The following SHB variants were observed in gnomAD, a reference collection of about 807,000 sequenced individuals.
SHB encodes SH2 domain containing adaptor protein B.
A neutral mutation model predicts 52.3 loss-of-function variants in SHB; 20 were observed. The ratio of observed to expected loss-of-function variants is 0.38; its 90% CI spans 0.27 to 0.56. The LOEUF (loss-of-function observed/expected upper bound fraction) is 0.56. Among genes scored for constraint, SHB ranks in the 20% least tolerant of loss-of-function variants. SHB has a pLI of 0.71. For synonymous variants in SHB, 397 were observed against 316.5 expected (o/e 1.25, Z -2.70); for missense variants, 825 against 723.3 (o/e 1.14, Z -1.61).
intron 4 of SHB, among the ~76,000 whole-genome samples, chr9:37,951,947 C>A (rs746260002): frequency 1.3e-5 from 2 of 152,200 alleles, no homozygotes; most frequent in African/African-American, 4.8e-5. Flanking sequence ...CCTTGCTTCA[C>A]CTGGAAAGAG....
At chr9:37,972,761 A>G (rs1261301016) in intron 3 of SHB, among the ~76,000 whole-genome samples, 1 of 152,184 alleles carries the variant, frequency 6.6e-6, no homozygotes, top group Non-Finnish European at 1.5e-5. Context: ...CTATATTCAC[A>G]GAACTGTGAG....
chr9:37,963,409 G>A (rs998892396), intron 3 of SHB, among the ~76,000 whole-genome samples: 3 of 152,198 alleles, frequency 2.0e-5, no homozygotes, highest in Non-Finnish European at 4.4e-5. Context: ...ACCGCCACAG[G>A]CTTCTTAGCC....
intron 5 of SHB, among the ~76,000 whole-genome samples, chr9:37,929,829 C>A (rs1339553580): frequency 6.6e-6 from 1 of 152,226 alleles, no homozygotes; most frequent in East Asian, 1.9e-4. Flanking sequence ...GGAAGCTGGG[C>A]GTGGTGACTC....
At chr9:37,958,292 A>G (rs183362263) in intron 3 of SHB, among the ~76,000 whole-genome samples, 2 of 152,298 alleles carry the variant, frequency 1.3e-5, no homozygotes, top group African/African-American at 2.4e-5. Flanking sequence ...CTGTGCATGC[A>G]AAGTGCACCA....
intron 1 of SHB, among the ~76,000 whole-genome samples, chr9:38,042,426 G>A (rs1284252952): frequency 6.6e-6 from 1 of 152,164 alleles, no homozygotes; most frequent in Non-Finnish European, 1.5e-5. Context: ...CCCCAGTCCC[G>A]CTCAGGTATT....
intron 1 of SHB, among the ~76,000 whole-genome samples, chr9:38,023,220 G>A (rs1236745372): frequency 6.6e-6 from 1 of 152,242 alleles, no homozygotes; most frequent in Non-Finnish European, 1.5e-5. Flanking sequence ...GGACAGTCCA[G>A]GCAAGTGGAG....
chr9:37,980,630 G>C (rs1418054448), intron 2 of SHB, among the ~76,000 whole-genome samples: 1 of 152,166 alleles, frequency 6.6e-6, no homozygotes, highest in Non-Finnish European at 1.5e-5. Context: ...TTCTAGAACA[G>C]TAAATCTTCC....
chr9:37,947,293 G>A (rs1832503757), intron 5 of SHB, among the ~76,000 whole-genome samples: 1 of 152,306 alleles, frequency 6.6e-6, no homozygotes, highest in Admixed American at 6.5e-5. Context: ...CCAGCCTTTG[G>A]TCTTATTCCC....
At chr9:37,956,869 A>G (rs1195554631) in intron 3 of SHB, among the ~76,000 whole-genome samples, 1 of 152,252 alleles carries the variant, frequency 6.6e-6, no homozygotes, top group Non-Finnish European at 1.5e-5. Context: ...GGATTAAAGC[A>G]GATGACACAC....
chr9:37,981,136 C>T (rs1820719427), intron 2 of SHB, among the ~76,000 whole-genome samples: 1 of 152,216 alleles, frequency 6.6e-6, no homozygotes, highest in Non-Finnish European at 1.5e-5. Context: ...GCTTTGAAGC[C>T]AGGCATTGAC....
rs1033637457 is a variant in SHB at position 37,999,066 on chromosome 9, C to T, written c.838+16945G>A. 9.2e-5 allele frequency among the ~76,000 whole-genome samples: 14 copies of T among 152,126 alleles called. No homozygotes were observed. In the East Asian group the frequency reaches 1.7e-3, roughly 19 times the overall value. On this transcript the variant is annotated intron_variant, in intron 2 of 5. Transcript: ENST00000377707. The stretch of plus-strand genomic sequence containing the variant: ...GCCCCTCAGTGAGGAGGACAGTGAG[C>T]GTTTACACAGGAAAGCAAGTGGGTG...
At position 37,941,619 on chromosome 9, in the gene SHB, C is replaced by G. The variant is rs536679192; in HGVS notation, c.1346+7016G>C. ...CTGTACCTGAGCTGCACACACCTGC[C>G]TTCCCTGAAGTTTGCTCTTAAAAGG... On this transcript the variant is annotated intron_variant, in intron 5 of 5. Transcript: ENST00000377707. 1.9e-3 allele frequency among the ~76,000 whole-genome samples: 288 copies of G among 152,346 alleles called. 3 individuals carry two copies. Among genetic ancestry groups the G allele is most frequent in the Middle Eastern group, 3.4e-3 (1 of 294 alleles).
chr9:37,960,558 T>G (rs1361015289), intron 3 of SHB, among the ~76,000 whole-genome samples: 1 of 152,198 alleles, frequency 6.6e-6, no homozygotes, highest in Non-Finnish European at 1.5e-5. Context: ...CCCTGGTGGT[T>G]GATGGAAGAG....
chr9:37,974,775 A>G lies in SHB; in HGVS notation c.901T>C (p.Tyr301His). The G allele has an allele frequency of 6.2e-7, 1 of 1,614,122 alleles. No individual in the cohort carries two copies. The highest frequency in any genetic ancestry group is 1.3e-5 in the African/African-American group (1 of 75,032). Residue 301 changes from tyrosine to histidine, a missense_variant, in exon 3 of 6, where the codon TAC becomes CAC. Tyr to His is a moderately conservative substitution (Grantham distance 83). Coordinates refer to ENST00000377707, the MANE Select transcript of SHB (RefSeq NM_003028.3). ...HKGIQLYDTP[Y>H]EPEGQSVDSD... ...TCAACACTTTGGCCTTCAGGTTCGTAAGGGGTGTCATATAACTGGATACCT... is the reference window on the plus strand; with the variant it reads ...TCAACACTTTGGCCTTCAGGTTCGTGAGGGGTGTCATATAACTGGATACCT...
At chr9:37,927,976 A>G (rs1161143753) in intron 5 of SHB, among the ~76,000 whole-genome samples, 1 of 149,476 alleles carries the variant, frequency 6.7e-6, no homozygotes, top group Non-Finnish European at 1.5e-5. Context: ...CCTCTAATTG[A>G]GGACTTTTCT....
chr9:38,064,920 G>A (rs1821941141), intron 1 of SHB, among the ~76,000 whole-genome samples: 1 of 152,158 alleles, frequency 6.6e-6, no homozygotes, highest in Non-Finnish European at 1.5e-5. Context: ...GATTGCTTGA[G>A]CCCAGGAGCC....
intron 1 of SHB, among the ~76,000 whole-genome samples, chr9:38,064,936 AAC>A (rs1252680316): frequency 1.3e-5 from 2 of 152,198 alleles, no homozygotes; most frequent in Non-Finnish European, 2.9e-5. Context: ...GAGCCTGGGC[AAC>A]ACAGAGAGAC....
chr9:38,031,765 T>C (rs962371360), intron 1 of SHB, among the ~76,000 whole-genome samples: 11 of 152,184 alleles, frequency 7.2e-5, no homozygotes, highest in African/African-American at 2.4e-4. Flanking sequence ...TTAATGCACA[T>C]TGTAAAATCT....
intron 1 of SHB, among the ~76,000 whole-genome samples, chr9:38,054,628 G>C (rs753437932): frequency 6.6e-6 from 1 of 152,338 alleles, no homozygotes; most frequent in East Asian, 1.9e-4. Context: ...TCTGTGGGCA[G>C]TGTTATAGCC....
Sources: gnomAD v4.1 joint callset for allele counts (sites outside exome capture counted in the v4.1 genomes callset) on GRCh38, gnomAD v4.1.1 for gene constraint, MANE v1.5 for transcripts, NCBI Gene and HGNC (gene_info 2026-07-23, HGNC 2026-07-21) for gene names.